Variants in NEGR1 observed in about 807,000 individuals in gnomAD.
NEGR1 encodes the protein IgLON family member 4.
Under a neutral mutation model 40.9 loss-of-function variants are expected in NEGR1, and 10 were observed. That is an observed-to-expected ratio of 0.24 (90% confidence interval 0.15 to 0.42). The LOEUF (loss-of-function observed/expected upper bound fraction) is 0.42. Among genes scored for constraint, NEGR1 ranks in the 10% least tolerant of loss-of-function variants. The pLI is 1.00. For synonymous variants in NEGR1, 185 were observed against 166.8 expected (o/e 1.11, Z -0.84); for missense variants, 352 against 438.9 (o/e 0.80, Z 1.77).
At chr1:71,610,925 T>A in intron 5 of NEGR1, 101 bp downstream of exon 5, 1 of 1,222,826 alleles carries the variant, frequency 8.2e-7, no homozygotes, top group South Asian at 1.4e-5. Context: ...CTGCTGAGAA[T>A]CATTCAAGCC....
intron 1 of NEGR1, among the ~76,000 whole-genome samples, chr1:72,146,208 A>T (rs1650903129): frequency 6.6e-6 from 1 of 152,204 alleles, no homozygotes; most frequent in Non-Finnish European, 1.5e-5. Flanking sequence ...GCACTGAAAT[A>T]ATGCCACAAG....
At chr1:72,018,566 C>T (rs1402219288) in intron 1 of NEGR1, among the ~76,000 whole-genome samples, 2 of 152,154 alleles carry the variant, frequency 1.3e-5, no homozygotes, top group East Asian at 3.9e-4. Flanking sequence ...TGCCGGGACA[C>T]CAGGGTAAAA....
At position 71,483,187 on chromosome 1, in the gene NEGR1, A is replaced by G. The variant is rs1339962142; in HGVS notation, c.941-75617T>C. Among the ~76,000 whole-genome samples, 3 of 151,580 alleles carry G rather than the reference A, an allele frequency of 2.0e-5. No individual in the cohort carries two copies. In the East Asian group the frequency reaches 5.8e-4, roughly 30 times the overall value. ...GAGTCCACCAGGCATTGCATTTTCT[A>G]GGAATAGCACAAAGCCCAGTTTGAT... On this transcript the variant is annotated intron_variant, in intron 6 of 6. Transcript: ENST00000357731.
intron 1 of NEGR1, among the ~76,000 whole-genome samples, chr1:72,074,279 A>T (rs1310476032): frequency 6.6e-6 from 1 of 152,148 alleles, no homozygotes; most frequent in Non-Finnish European, 1.5e-5. Flanking sequence ...TCTGTTGGTC[A>T]GTTGATTATA....
chr1:72,053,181 A>C (rs1647077462), intron 1 of NEGR1, among the ~76,000 whole-genome samples: 1 of 151,342 alleles, frequency 6.6e-6, no homozygotes, highest in African/African-American at 2.4e-5. Flanking sequence ...TCAGGAATGA[A>C]TAAATGCAAA....
intron 1 of NEGR1, among the ~76,000 whole-genome samples, chr1:71,948,496 T>TGA (rs200382559): frequency 0.12 from 17,922 of 148,424 alleles, 1,132 homozygotes; most frequent in Middle Eastern, 0.21. Context: ...TGTGTGTGTG[T>TGA]GAGAGAGAGA....
chr1:71,698,031 C>T lies in NEGR1; in HGVS notation c.644G>A (p.Arg215Lys). The part of the protein sequence containing the change: ...AENDVSFPDV[R>K]KVKVVVNFAP... ...ACAGTTGACAACAACTTTTACTTTC[C>T]TCACATCTGGGAATGACACATCATT... The change falls in exon 4 of 7, where the codon AGG (arginine) becomes AAG (lysine). Residue 215 changes from arginine (R) to lysine (K), a missense_variant. By Grantham distance (26) the Arg-to-Lys change is conservative. Around this residue, in one of 5 missense-constraint regions of NEGR1, gnomAD observed 184 missense variants for 208.7 expected, o/e 0.88. Transcript: ENST00000357731. The T allele has an allele frequency of 6.2e-7, 1 of 1,611,308 alleles. No homozygotes were observed.
At chr1:72,086,742 CAT>C (rs1334508020) in intron 1 of NEGR1, among the ~76,000 whole-genome samples, 18 of 152,218 alleles carry the variant, frequency 1.2e-4, no homozygotes, top group East Asian at 1.9e-4. Context: ...TTTAAAATCA[CAT>C]GAGTCATTTT....
At position 72,142,662 on chromosome 1, in the gene NEGR1, A is replaced by G. The variant is rs1650731426; in HGVS notation, c.176+139657T>C. 2.0e-5 allele frequency among the ~76,000 whole-genome samples: 3 copies of G among 151,918 alleles called. No individual in the cohort carries two copies. In the South Asian group the frequency reaches 6.2e-4, roughly 31 times the overall value. On this transcript the variant is annotated intron_variant, in intron 1 of 6. Transcript: ENST00000357731. ...CAAAATAACCAATTTGATAATATCT[A>G]TTATCTTCCAGGCTACCTTACATAT...
intron 1 of NEGR1, among the ~76,000 whole-genome samples, chr1:71,964,350 T>C (rs1470402426): frequency 2.6e-5 from 4 of 152,138 alleles, no homozygotes; most frequent in African/African-American, 9.7e-5. Context: ...AAGAAGGCCC[T>C]AGGAATTCCA....
At chr1:71,458,511 C>T (rs893600597) in intron 6 of NEGR1, among the ~76,000 whole-genome samples, 2 of 152,166 alleles carry the variant, frequency 1.3e-5, no homozygotes, top group Admixed American at 1.3e-4. Flanking sequence ...TGTCAAGTTG[C>T]ATTCTATTTC....
intron 6 of NEGR1, among the ~76,000 whole-genome samples, chr1:71,441,409 A>G (rs1646546426): frequency 6.6e-6 from 1 of 152,190 alleles, no homozygotes; most frequent in Non-Finnish European, 1.5e-5. Context: ...ATTAGCCATG[A>G]GACTTGCTTT....
intron 1 of NEGR1, among the ~76,000 whole-genome samples, chr1:72,154,443 A>G (rs1335153509): frequency 1.3e-5 from 2 of 152,112 alleles, no homozygotes; most frequent in East Asian, 3.9e-4. Flanking sequence ...GAAAGCTCTC[A>G]CTTTCCTTCA....
intron 3 of NEGR1, among the ~76,000 whole-genome samples, chr1:71,754,013 A>G (rs1355459352): frequency 6.6e-6 from 1 of 151,058 alleles, no homozygotes; most frequent in African/African-American, 2.5e-5. Flanking sequence ...CATAAAGCAC[A>G]CATGATTTCA....
intron 1 of NEGR1, among the ~76,000 whole-genome samples, chr1:72,047,077 A>G (rs2100467561): frequency 6.6e-6 from 1 of 151,586 alleles, no homozygotes; most frequent in Non-Finnish European, 1.5e-5. Flanking sequence ...TACATTGAGC[A>G]TTCTTGTCTT....
intron 6 of NEGR1, among the ~76,000 whole-genome samples, chr1:71,467,313 T>C (rs150068378): frequency 6.2e-4 from 95 of 152,166 alleles, no homozygotes; most frequent in African/African-American, 2.2e-3. Flanking sequence ...CTAAAGTAGA[T>C]GTCATTGCAA....
chr1:72,266,418 A>G (rs1177729015), intron 1 of NEGR1, among the ~76,000 whole-genome samples: 1 of 150,850 alleles, frequency 6.6e-6, no homozygotes, highest in African/African-American at 2.4e-5. Context: ...CAAGTTTTTT[A>G]TAGATTCACT....
At chr1:71,686,907 T>C (rs1570206039) in intron 4 of NEGR1, among the ~76,000 whole-genome samples, 3 of 152,310 alleles carry the variant, frequency 2.0e-5, no homozygotes. Flanking sequence ...AAACCCAATA[T>C]GCTCACAAAG....
At chr1:71,644,562 A>T (rs138873392) in intron 4 of NEGR1, among the ~76,000 whole-genome samples, 82 of 152,032 alleles carry the variant, frequency 5.4e-4, no homozygotes, top group African/African-American at 1.9e-3. Flanking sequence ...AGACTGTGAG[A>T]CAATGTCTGA....
Sources: gnomAD v4.1 joint callset for allele counts (sites outside exome capture counted in the v4.1 genomes callset) on GRCh38, gnomAD v4.1.1 for gene constraint, gnomAD v4.1.1 regional missense constraint, MANE v1.5 for transcripts, NCBI Gene and HGNC (gene_info 2026-07-23, HGNC 2026-07-21) for gene names.